The following DUSP29 variants were observed in gnomAD, a reference collection of about 807,000 sequenced individuals.
DUSP29 encodes the protein dual specificity phosphatase 29.
Under a neutral mutation model 13.5 loss-of-function variants are expected in DUSP29, and 12 were observed. The observed-to-expected ratio is 0.89, with a 90% confidence interval of 0.57 to 1.44. The LOEUF is 1.44. Among genes scored for constraint, DUSP29 ranks in the 40% most tolerant of loss-of-function variants. The probability of loss-of-function intolerance (pLI) is 0.00; values close to 1 mark genes in which losing one functional copy is unlikely to be tolerated. For synonymous variants in DUSP29, 134 were observed against 128.7 expected (o/e 1.04, Z -0.28); for missense variants, 308 against 301.1 (o/e 1.02, Z -0.17).
intron 3 of DUSP29, among the ~76,000 whole-genome samples, chr10:75,041,700 C>T (rs367582770): frequency 1.3e-5 from 2 of 152,180 alleles, no homozygotes; most frequent in Non-Finnish European, 2.9e-5. Flanking sequence ...CCATCCCTAG[C>T]CATCTGGTCG....
At chr10:75,060,691 G>A (rs972245042) in intron 1 of DUSP29, among the ~76,000 whole-genome samples, 1 of 152,162 alleles carries the variant, frequency 6.6e-6, no homozygotes, top group East Asian at 1.9e-4. Context: ...CACCTGATGA[G>A]TTGCTGCATC....
At chr10:75,048,565 A>G (rs1321636568) in intron 2 of DUSP29, among the ~76,000 whole-genome samples, 2 of 151,850 alleles carry the variant, frequency 1.3e-5, no homozygotes, top group Non-Finnish European at 2.9e-5. Flanking sequence ...ATGCGTGGCT[A>G]ATTTTTGTAT....
intron 1 of DUSP29, among the ~76,000 whole-genome samples, chr10:75,060,006 A>G (rs989554815): frequency 3.3e-5 from 5 of 151,984 alleles, no homozygotes; most frequent in Non-Finnish European, 7.4e-5. Flanking sequence ...TAAAAATACA[A>G]AAAATTAGCC....
chr10:75,054,536 A>G (rs1054675896), intron 2 of DUSP29, among the ~76,000 whole-genome samples: 2 of 152,230 alleles, frequency 1.3e-5, no homozygotes, highest in African/African-American at 4.8e-5. Context: ...TTATATAAAA[A>G]CAAATTCCAA....
chr10:75,042,076 G>A (rs1045524372), intron 3 of DUSP29, among the ~76,000 whole-genome samples: 1 of 152,166 alleles, frequency 6.6e-6, no homozygotes, highest in Non-Finnish European at 1.5e-5. Context: ...GCTTCACAGT[G>A]TATGACCACG....
chr10:75,060,029 G>A (rs868162425), intron 1 of DUSP29, among the ~76,000 whole-genome samples: 6 of 151,796 alleles, frequency 4.0e-5, no homozygotes, highest in South Asian at 2.1e-4. Flanking sequence ...GTGTAGTGGC[G>A]GGTGCCTGTA....
intron 1 of DUSP29, among the ~76,000 whole-genome samples, chr10:75,067,227 T>C (rs1847225353): frequency 6.6e-6 from 1 of 152,182 alleles, no homozygotes; most frequent in South Asian, 2.1e-4. Context: ...TCCAGAGTGC[T>C]GGGATTACAG....
At chr10:75,066,092 G>A (rs1421756540) in intron 1 of DUSP29, among the ~76,000 whole-genome samples, 1 of 152,052 alleles carries the variant, frequency 6.6e-6, no homozygotes, top group Non-Finnish European at 1.5e-5. Flanking sequence ...GAGGTGGAGT[G>A]AAACAAAGAG....
intron 2 of DUSP29, among the ~76,000 whole-genome samples, chr10:75,044,749 T>G (rs1221861658): frequency 6.6e-6 from 1 of 152,164 alleles, no homozygotes; most frequent in African/African-American, 2.4e-5. Flanking sequence ...CTCTGAAATA[T>G]GACTCGATGA....
At chr10:75,054,979 A>G (rs905017237) in intron 2 of DUSP29, among the ~76,000 whole-genome samples, 1 of 152,046 alleles carries the variant, frequency 6.6e-6, no homozygotes, top group African/African-American at 2.4e-5. Context: ...AGCTGGGACT[A>G]TAGGTACATG....
intron 3 of DUSP29, among the ~76,000 whole-genome samples, chr10:75,040,738 G>C (rs767054555): frequency 1.3e-5 from 2 of 152,164 alleles, no homozygotes; most frequent in Non-Finnish European, 2.9e-5. Flanking sequence ...TGTGACCCTG[G>C]GCACCTCACT....
In DUSP29 at chr10:75,047,367, C is replaced by T. The variant is rs116092925; in HGVS notation, c.201-3350G>A. 6.0e-3 allele frequency among the ~76,000 whole-genome samples: 915 copies of T among 152,346 alleles called. 4 individuals are homozygous for T. Among genetic ancestry groups the T allele is most frequent in the African/African-American group, 0.021 (858 of 41,574 alleles). On this transcript the variant is annotated intron_variant, in intron 2 of 3. Coordinates refer to ENST00000338487, the MANE Select transcript of DUSP29 (RefSeq NM_001003892.3). The stretch of plus-strand genomic sequence containing the variant: ...GCCATCATCACAGACACCCATCGTC[C>T]AGTCCCCAGATGGGACAGATGCCCA...
chr10:75,047,766 T>C (rs1363507867), intron 2 of DUSP29, among the ~76,000 whole-genome samples: 1 of 152,194 alleles, frequency 6.6e-6, no homozygotes, highest in Non-Finnish European at 1.5e-5. Context: ...ATGCTCAATG[T>C]AGAATGTAGA....
intron 3 of DUSP29, among the ~76,000 whole-genome samples, chr10:75,040,994 G>C (rs1253007915): frequency 6.6e-6 from 1 of 152,210 alleles, no homozygotes; most frequent in Non-Finnish European, 1.5e-5. Context: ...GGGGAATGGT[G>C]TACACTTGGC....
At chr10:75,038,448 G>T (rs1350228103) in intron 3 of DUSP29, among the ~76,000 whole-genome samples, 1 of 152,074 alleles carries the variant, frequency 6.6e-6, no homozygotes, top group Non-Finnish European at 1.5e-5. Flanking sequence ...TGGCATGACC[G>T]CGCTCCTGGG....
intron 3 of DUSP29, among the ~76,000 whole-genome samples, chr10:75,039,065 G>A (rs1315272778): frequency 1.3e-5 from 2 of 152,326 alleles, no homozygotes; most frequent in Non-Finnish European, 2.9e-5. Flanking sequence ...ACAGGGGCCA[G>A]CACTATACCT....
rs1426805646 is a variant in DUSP29 at position 75,058,342 on chromosome 10, A to G, written c.173T>C (p.Val58Ala). 1 of 1,614,020 alleles carries G rather than the reference A, an allele frequency of 6.2e-7. No homozygotes were observed. Among genetic ancestry groups the G allele is most frequent in the Non-Finnish European group, 8.5e-7 (1 of 1,180,006 alleles). Residue 58 changes from valine to alanine, a missense_variant, in exon 2 of 4, where the codon GTC (valine) becomes GCC (alanine). Coordinates refer to ENST00000338487, the MANE Select transcript of DUSP29 (RefSeq NM_001003892.3). ...ATCGCCAATGTAGAGCTTGGGCCAG[A>G]CCTCGTTGACGTGGGTGTACTGGGG... Reference protein sequence around the residue: ...GSPQYTHVNEVWPKLYIGDEA... With the variant: ...GSPQYTHVNEAWPKLYIGDEA...
At chr10:75,049,212 T>C (rs1846772075) in intron 2 of DUSP29, among the ~76,000 whole-genome samples, 1 of 152,262 alleles carries the variant, frequency 6.6e-6, no homozygotes, top group African/African-American at 2.4e-5. Flanking sequence ...ATGATTTGTA[T>C]TGTTATTTCC....
chr10:75,041,099 T>C (rs1358052920), intron 3 of DUSP29, among the ~76,000 whole-genome samples: 3 of 152,052 alleles, frequency 2.0e-5, no homozygotes, highest in Non-Finnish European at 4.4e-5. Flanking sequence ...ACCACTTACA[T>C]AGAGAGTGTA....
Sources: gnomAD v4.1 joint callset for allele counts (sites outside exome capture counted in the v4.1 genomes callset) on GRCh38, gnomAD v4.1.1 for gene constraint, MANE v1.5 for transcripts, NCBI Gene and HGNC (gene_info 2026-07-23, HGNC 2026-07-21) for gene names.